The following SLC6A12 variants were observed in gnomAD, a reference collection of about 807,000 sequenced individuals.
The protein encoded by SLC6A12 is sodium- and chloride-dependent betaine transporter.
A neutral mutation model predicts 73.3 loss-of-function variants in SLC6A12; 50 were observed. The observed-to-expected ratio is 0.68, with a 90% CI of 0.54 to 0.86. The LOEUF is 0.86. Ranked by LOEUF, SLC6A12 falls within the 40% of genes least tolerant of loss-of-function variation. The pLI is 0.00. For missense variants in SLC6A12, 648 were observed against 772.8 expected, an observed-to-expected ratio of 0.84 and a Z score of 1.92; for synonymous variants, 304 against 309.2, an observed-to-expected ratio of 0.98 and a Z score of 0.18.
intron 4 of SLC6A12, chr12:204,347 C>T: frequency 1.8e-6 from 1 of 552,204 alleles, no homozygotes; most frequent in Non-Finnish European, 3.2e-6. Context: ...TCCCCCACCT[C>T]CCCACCATCA....
chr12:187,589 C>CAAAAAAAAAAAAAAAAACAAAAAAAAAA (rs1939454114), downstream of SLC6A12, among the ~76,000 whole-genome samples: 1 of 106,074 alleles, frequency 9.4e-6, no homozygotes, highest in Non-Finnish European at 1.7e-5. Context: ...TGCAAAAGAG[C>CAAAAAAAAAAAAAAAAACAAAAAAAAAA]AAAAAAAAAA....
the SLC6A12 span, among the ~76,000 whole-genome samples, chr12:184,108 C>T: frequency 6.6e-6 from 1 of 151,974 alleles, no homozygotes; most frequent in Non-Finnish European, 1.5e-5. Context: ...AAAAATATGC[C>T]ATAACCAAGT....
Position 204,192 on chromosome 12 carries a change from C to T in SLC6A12, c.349+372G>A, listed in dbSNP as rs560561938. 5.7e-5 allele frequency: 14 copies of T among 244,900 alleles called. No individual in the cohort carries two copies. The South Asian group carries it at 7.0e-4, about 12-fold the overall frequency. The allele number at this position is 244,900 out of a possible 1,614,324, so 15.2% of individuals were successfully genotyped here. A position where few individuals can be genotyped will look rare whatever the true frequency, so the allele number is the denominator to read the frequency against. On this transcript the variant is annotated intron_variant, in intron 4 of 15. Coordinates refer to ENST00000684302, the MANE Select transcript of SLC6A12 (RefSeq NM_001122848.3). The stretch of plus-strand genomic sequence containing the variant: ...GGGCAGAACAGGGGGAAACTGTGTT[C>T]TGGCGGAGGCACAGCACCCCGGGAG...
Position 202,666 on chromosome 12 carries a change from C to T in SLC6A12, c.490+74G>A, listed in dbSNP as rs117940488. 4.7e-4 allele frequency: 694 copies of T among 1,483,652 alleles called. 5 individuals are homozygous for T. In the East Asian group the frequency reaches 0.015, roughly 32 times the overall value. 91.9% of individuals were successfully genotyped at this position (1,483,652 alleles called of 1,614,324 possible). On this transcript the variant is annotated intron_variant, in intron 5 of 15. Coordinates refer to ENST00000684302, the MANE Select transcript of SLC6A12 (RefSeq NM_001122848.3). ...GTTCTGCTACACTTATACTCCCCGT[C>T]GTTGCTTGGATTCACCAGCCACCGC...
At position 198,766 on chromosome 12, in the gene SLC6A12, C is replaced by T. The variant is rs945475965; in HGVS notation, c.846+31G>A. ...CAGACCTGGCTGGGTGGGGAAGGCA[C>T]CTGGGGAAGTGGTCCCAGCACGGTA... On this transcript the variant is annotated intron_variant, in intron 8 of 15. Coordinates refer to ENST00000684302, the MANE Select transcript of SLC6A12 (RefSeq NM_001122848.3). The surrounding 1 kb of genome is among the most constrained non-coding windows in gnomAD (Gnocchi z 4.0). 9 of 1,608,376 alleles carry T rather than the reference C, an allele frequency of 5.6e-6. No individual in the cohort carries two copies. Among genetic ancestry groups the T allele is most frequent in the Non-Finnish European group, 6.8e-6 (8 of 1,175,956 alleles).
Position 200,719 on chromosome 12 carries a change from G to T in SLC6A12, c.643C>A (p.Leu215Met), listed in dbSNP as rs1296617992. The change falls in exon 7 of 16, where the codon CTG (leucine) becomes ATG (methionine). Residue 215 changes from leucine (L) to methionine (M), a missense_variant. Transcript: ENST00000684302. The stretch of plus-strand genomic sequence containing the variant: ...ATGACCCAGGCGAGCAGGAGGCACA[G>T]GGCCAGCTCCCAGCGCAGGGAGCCC... ...DLGSLRWELA[L>M]CLLLAWVICY... 3 of 1,614,158 alleles carry T rather than the reference G, an allele frequency of 1.9e-6. No individual in the cohort carries two copies. The highest frequency in any genetic ancestry group is 3.3e-5 in the Admixed American group (2 of 60,028).
At chr12:200,852 TCTC>T in intron 6 of SLC6A12, 69 bp from the exon 7 acceptor site, 3 of 1,508,074 alleles carry the variant, frequency 2.0e-6, no homozygotes, top group East Asian at 2.3e-5. Flanking sequence ...TGTCAGCAAG[TCTC>T]CTGATTCTCA....
chr12:184,763 TAAAA>T, the SLC6A12 span, among the ~76,000 whole-genome samples: 13 of 135,872 alleles, frequency 9.6e-5, 1 homozygote, highest in South Asian at 1.8e-3. Flanking sequence ...AATAAATAAA[TAAAA>T]AAATAAAAAT....
chr12:195,368 G>A (rs1435858412), intron 12 of SLC6A12, 41 bp from the exon 13 acceptor site: 1 of 1,292,044 alleles, frequency 7.7e-7, no homozygotes, highest in African/African-American at 1.5e-5. Context: ...CCAGTGCAGA[G>A]CTGGGACACA....
At position 204,614 on chromosome 12, in the gene SLC6A12, G is replaced by C. The variant is rs1346229201; in HGVS notation, c.299C>G (p.Thr100Ser). 1.2e-6 allele frequency: 2 copies of C among 1,614,082 alleles called. No individual in the cohort carries two copies. The highest frequency in any genetic ancestry group is 1.7e-6 in the Non-Finnish European group (2 of 1,180,010). Residue 100 changes from threonine to serine, a missense_variant, in exon 4 of 16, where the codon ACC (threonine) becomes AGC (serine). Thr to Ser is a moderately conservative substitution (Grantham distance 58, BLOSUM62 1). Coordinates refer to ENST00000684302, the MANE Select transcript of SLC6A12 (RefSeq NM_001122848.3). ...CCAGGCTGTGACACTCCCTTGGCTG[G>C]TGTATTGGCCCAACGCCACCTCCAG... ...FFLEVALGQY[T>S]SQGSVTAWRK...
downstream of SLC6A12, among the ~76,000 whole-genome samples, chr12:187,282 C>T (rs1206417876): frequency 2.0e-5 from 3 of 152,122 alleles, no homozygotes; most frequent in African/African-American, 7.2e-5. Context: ...CAGACCCTCA[C>T]AGTGAGGGTT....
intron 6 of SLC6A12, chr12:201,399 A>G: frequency 4.0e-6 from 1 of 248,948 alleles, no homozygotes; most frequent in South Asian, 5.7e-5. Context: ...GGCAATTTCA[A>G]GCTACTGGCA....
At chr12:188,556 C>T (rs1398588974), downstream of SLC6A12, among the ~76,000 whole-genome samples, 1 of 152,214 alleles carries the variant, frequency 6.6e-6, no homozygotes, top group Non-Finnish European at 1.5e-5. Flanking sequence ...GCTCCTCAAG[C>T]GCAGCCAGAG....
chr12:197,612 A>C (rs904312364), intron 9 of SLC6A12, 111 bp from the exon 10 acceptor site: 40 of 1,164,564 alleles, frequency 3.4e-5, no homozygotes, highest in Non-Finnish European at 4.8e-5. Context: ...CCAAGGAGAG[A>C]GAAGGGGGAG....
chr12:187,658 A>C (rs12304622), downstream of SLC6A12, among the ~76,000 whole-genome samples: 572 of 141,168 alleles, frequency 4.1e-3, 4 homozygotes, highest in African/African-American at 0.014. Flanking sequence ...CACCCACTGC[A>C]CACAACGCGA....
chr12:207,450 T>G (rs975450847), intron 3 of SLC6A12, among the ~76,000 whole-genome samples: 1 of 152,238 alleles, frequency 6.6e-6, no homozygotes, highest in African/African-American at 2.4e-5. Context: ...CTCCCCTCTT[T>G]TTCATAACCA....
chr12:188,136 T>G (rs1298400440), downstream of SLC6A12, among the ~76,000 whole-genome samples: 3 of 152,066 alleles, frequency 2.0e-5, no homozygotes, highest in Admixed American at 2.0e-4. Context: ...AGCCCTTGGG[T>G]GGTCGATGGG....
At chr12:192,429 C>T (rs984801145) in intron 15 of SLC6A12, 49 bp downstream of exon 15, 5 of 1,565,344 alleles carry the variant, frequency 3.2e-6, no homozygotes, top group Non-Finnish European at 4.4e-6. Context: ...CAAGTCCAGC[C>T]TCTCTCAGTG....
chr12:192,465 C>T lies in SLC6A12; in HGVS notation c.1701+13G>A, dbSNP rs1334744898. 1 of 1,613,546 alleles carries T rather than the reference C, an allele frequency of 6.2e-7. No individual in the cohort carries two copies. Among genetic ancestry groups the T allele is most frequent in the Non-Finnish European group, 8.5e-7 (1 of 1,179,642 alleles). ...CCCTCCTTTAAGAGGTCACTCTCCC[C>T]TACACCACCTACCTTCCTGAAAGGA... On this transcript the variant is annotated intron_variant, in intron 15 of 15. Transcript: ENST00000684302.
Sources: gnomAD v4.1 joint callset for allele counts (sites outside exome capture counted in the v4.1 genomes callset) on GRCh38, gnomAD v4.1.1 for gene constraint, Gnocchi (gnomAD v3.1) non-coding constraint, MANE v1.5 for transcripts, NCBI Gene and HGNC (gene_info 2026-07-23, HGNC 2026-07-21) for gene names.